Variants in RIT2 observed in about 807,000 individuals in gnomAD.
The protein encoded by RIT2 is Ras like without CAAX 2.
Under a neutral mutation model 23.7 loss-of-function variants are expected in RIT2, and 24 were observed. That is an observed-to-expected ratio of 1.01 (90% CI 0.73 to 1.43). The LOEUF (loss-of-function observed/expected upper bound fraction) is 1.43. RIT2 is among the 40% of genes most tolerant of loss of function. The pLI is 0.00. For synonymous variants in RIT2, 107 were observed against 91.1 expected (o/e 1.17, Z -0.99); for missense variants, 236 against 266.9 (o/e 0.88, Z 0.81).
chr18:42,934,990 A>C (rs546721672), intron 3 of RIT2, among the ~76,000 whole-genome samples: 80 of 152,306 alleles, frequency 5.3e-4, no homozygotes, highest in Middle Eastern at 3.4e-3. Context: ...AAAAGCGATA[A>C]ATAGAAAGAG....
At chr18:43,059,836 T>C (rs995529330) in intron 1 of RIT2, among the ~76,000 whole-genome samples, 5 of 152,134 alleles carry the variant, frequency 3.3e-5, no homozygotes, top group African/African-American at 1.2e-4. Context: ...AGCTTTTGTT[T>C]AACATGCTTA....
At chr18:42,788,589 A>T (rs554913754) in intron 4 of RIT2, among the ~76,000 whole-genome samples, 1 of 152,312 alleles carries the variant, frequency 6.6e-6, no homozygotes, top group African/African-American at 2.4e-5. Flanking sequence ...CAAAAATGAG[A>T]TTCATTAATA....
At chr18:42,876,768 C>T (rs1907754693) in intron 4 of RIT2, among the ~76,000 whole-genome samples, 1 of 151,678 alleles carries the variant, frequency 6.6e-6, no homozygotes, top group South Asian at 2.1e-4. Context: ...TTGTTAAATG[C>T]CAGCATTATG....
chr18:43,109,484 T>C (rs1416877557), intron 1 of RIT2, among the ~76,000 whole-genome samples: 1 of 152,190 alleles, frequency 6.6e-6, no homozygotes, highest in African/African-American at 2.4e-5. Context: ...CTGTATACAC[T>C]GTTTATGTTC....
At chr18:42,795,212 G>A (rs565148427) in intron 4 of RIT2, among the ~76,000 whole-genome samples, 3 of 152,330 alleles carry the variant, frequency 2.0e-5, no homozygotes, top group African/African-American at 4.8e-5. Context: ...GGCCAAGGCC[G>A]GAGCCCACTC....
At chr18:42,751,094 G>C (rs1913035571) in intron 4 of RIT2, among the ~76,000 whole-genome samples, 1 of 151,798 alleles carries the variant, frequency 6.6e-6, no homozygotes. Flanking sequence ...CATATCTATG[G>C]AAGCTTTTTA....
chr18:43,114,987 C>T (rs1193887218), intron 1 of RIT2, among the ~76,000 whole-genome samples: 1 of 152,166 alleles, frequency 6.6e-6, no homozygotes, highest in Non-Finnish European at 1.5e-5. Flanking sequence ...ACACAACAAT[C>T]AACACCCATC....
chr18:42,767,401 G>T (rs959616236), intron 4 of RIT2, among the ~76,000 whole-genome samples: 1 of 152,160 alleles, frequency 6.6e-6, no homozygotes, highest in Non-Finnish European at 1.5e-5. Context: ...GACTTGCATG[G>T]GCCTGGTAAC....
chr18:42,846,643 A>G (rs1350539592), intron 4 of RIT2, among the ~76,000 whole-genome samples: 1 of 152,080 alleles, frequency 6.6e-6, no homozygotes, highest in Non-Finnish European at 1.5e-5. Flanking sequence ...ATTCAACAAA[A>G]AACCAATGTA....
At chr18:42,820,336 G>A (rs1270367579) in intron 4 of RIT2, among the ~76,000 whole-genome samples, 2 of 152,000 alleles carry the variant, frequency 1.3e-5, no homozygotes, top group African/African-American at 4.8e-5. Context: ...AACAGAAAAT[G>A]AGTGTTTAGG....
At chr18:42,865,412 T>C (rs1907444077) in intron 4 of RIT2, among the ~76,000 whole-genome samples, 1 of 152,186 alleles carries the variant, frequency 6.6e-6, no homozygotes, top group Non-Finnish European at 1.5e-5. Flanking sequence ...GGCCTTCACA[T>C]GGTATATTAT....
intron 1 of RIT2, among the ~76,000 whole-genome samples, chr18:43,076,407 T>C (rs189651899): frequency 6.6e-6 from 1 of 152,170 alleles, no homozygotes; most frequent in Admixed American, 6.5e-5. Context: ...AAGCTTGGGA[T>C]ACAGCTGCAG....
intron 2 of RIT2, among the ~76,000 whole-genome samples, chr18:43,020,908 A>G (rs568062228): frequency 6.6e-6 from 1 of 152,250 alleles, no homozygotes; most frequent in Admixed American, 6.5e-5. Context: ...CTATAAAACT[A>G]CTACAGGAAA....
chr18:42,870,004 C>A (rs1328866559), intron 4 of RIT2, among the ~76,000 whole-genome samples: 1 of 152,132 alleles, frequency 6.6e-6, no homozygotes, highest in Non-Finnish European at 1.5e-5. Context: ...GTAAGTAATA[C>A]CTTTCTTCTG....
At chr18:42,959,685 A>G (rs1157352942) in intron 3 of RIT2, among the ~76,000 whole-genome samples, 2 of 152,228 alleles carry the variant, frequency 1.3e-5, no homozygotes, top group Non-Finnish European at 2.9e-5. Context: ...AGACTAATTC[A>G]TATGATAAAA....
chr18:42,974,038 A>T, intron 3 of RIT2, 36 bp downstream of exon 3: 8 of 1,395,074 alleles, frequency 5.7e-6, no homozygotes, highest in East Asian at 2.3e-5. Flanking sequence ...CATAAAATAA[A>T]CTCAGAGATT....
At chr18:42,813,012 A>T (rs976156068) in intron 4 of RIT2, among the ~76,000 whole-genome samples, 1 of 152,226 alleles carries the variant, frequency 6.6e-6, no homozygotes, top group African/African-American at 2.4e-5. Flanking sequence ...TGAATATTAG[A>T]TCCTAAAGTT....
At chr18:42,911,788 T>G (rs906393063) in intron 4 of RIT2, among the ~76,000 whole-genome samples, 1 of 151,974 alleles carries the variant, frequency 6.6e-6, no homozygotes, top group African/African-American at 2.4e-5. Flanking sequence ...ATAAATCAGA[T>G]TTTTATTTTA....
chr18:43,090,558 A>T (rs566192525), intron 1 of RIT2, among the ~76,000 whole-genome samples: 9 of 152,244 alleles, frequency 5.9e-5, no homozygotes, highest in African/African-American at 1.9e-4. Flanking sequence ...TGTTATAGAG[A>T]CACATGCACA....
Sources: allele counts gnomAD v4.1 joint callset (sites outside exome capture counted in the v4.1 genomes callset), GRCh38; gene constraint gnomAD v4.1.1; transcripts MANE v1.5; gene names NCBI Gene and HGNC (gene_info 2026-07-23, HGNC 2026-07-21).